Variants in CABIN1 observed in about 807,000 individuals in gnomAD.
CABIN1 encodes calcineurin-binding protein cabin-1.
CABIN1 carries 133 observed loss-of-function variants against 227.7 expected under a neutral mutation model. The ratio of observed to expected loss-of-function variants is 0.58; its 90% CI spans 0.51 to 0.67. The LOEUF (loss-of-function observed/expected upper bound fraction) is 0.67, where lower values mean the gene tolerates loss of function less well. Among genes scored for constraint, CABIN1 ranks in the 30% least tolerant of loss-of-function variants. CABIN1 has a pLI of 0.00. For missense variants in CABIN1, 2,408 were observed against 2,852.5 expected (o/e 0.84, Z 3.55); for synonymous variants, 1,086 against 1,155.1 (o/e 0.94, Z 1.21).
intron 34 of CABIN1, among the ~76,000 whole-genome samples, chr22:24,172,365 C>A (rs563472292): frequency 6.6e-6 from 1 of 152,228 alleles, no homozygotes; most frequent in Non-Finnish European, 1.5e-5. Flanking sequence ...CTAGCCCACA[C>A]CAGGCCTCCC....
rs1486940104 is a variant in CABIN1 at position 24,177,392 on chromosome 22, A to G, written c.6206-112A>G. On this transcript the variant is annotated intron_variant, in intron 35 of 36. Transcript: ENST00000263119. This position sits in a 1 kb window ranked among gnomAD's most constrained non-coding sequence, Gnocchi z 4.4. Reference sequence around the variant, plus strand: ...AGCCTTGGAGCCTGCCAGCCAGCACAAACTACACAGCATAAAGGCCCAGGA... The same window carrying G: ...AGCCTTGGAGCCTGCCAGCCAGCACGAACTACACAGCATAAAGGCCCAGGA... 1 of 973,990 alleles carries G rather than the reference A, an allele frequency of 1.0e-6. No individual in the cohort carries two copies. The highest frequency in any genetic ancestry group is 1.5e-6 in the Non-Finnish European group (1 of 668,204). 60.3% of individuals were successfully genotyped at this position (973,990 alleles called of 1,614,324 possible).
chr22:24,173,952 G>A (rs1186959244), intron 34 of CABIN1, among the ~76,000 whole-genome samples: 2 of 151,792 alleles, frequency 1.3e-5, no homozygotes, highest in South Asian at 2.1e-4. Context: ...GCAGGATTTG[G>A]AATGCTGCTT....
intron 29 of CABIN1, among the ~76,000 whole-genome samples, chr22:24,141,849 G>A (rs546041227): frequency 1.3e-5 from 2 of 152,176 alleles, no homozygotes; most frequent in Non-Finnish European, 2.9e-5. Flanking sequence ...GTCATCATGA[G>A]CTGTCTTTGT....
chr22:24,108,388 G>T (rs976379743), intron 26 of CABIN1, among the ~76,000 whole-genome samples: 3 of 152,180 alleles, frequency 2.0e-5, no homozygotes, highest in Non-Finnish European at 2.9e-5. Context: ...CTCAAGTTTG[G>T]GACATTTTGT....
intron 15 of CABIN1, 99 bp downstream of exon 15, chr22:24,064,286 A>C: frequency 7.8e-7 from 1 of 1,277,524 alleles, no homozygotes; most frequent in Non-Finnish European, 1.1e-6. Flanking sequence ...GCTCACTGCA[A>C]CCTACACCTC....
chr22:24,025,624 C>T (rs532084724), intron 1 of CABIN1, among the ~76,000 whole-genome samples: 2 of 152,294 alleles, frequency 1.3e-5, no homozygotes, highest in East Asian at 1.9e-4. Flanking sequence ...GCTCATCAAA[C>T]GCTCTGCTGG....
intron 36 of CABIN1, 52 bp from the exon 37 acceptor site, chr22:24,178,001 G>A: frequency 1.2e-6 from 2 of 1,609,726 alleles, no homozygotes; most frequent in Non-Finnish European, 1.7e-6. Flanking sequence ...AGAGGGGCTT[G>A]GGGCAGAGCC....
rs758207779 is a variant in CABIN1 at position 24,083,212 on chromosome 22, C to T, written c.2749-16C>T. 1 of 1,611,926 alleles carries T rather than the reference C, an allele frequency of 6.2e-7. No individual in the cohort carries two copies. Among genetic ancestry groups the T allele is most frequent in the Non-Finnish European group, 8.5e-7 (1 of 1,179,906 alleles). On this transcript the variant is annotated splice_polypyrimidine_tract_variant and intron_variant, in intron 19 of 36. Transcript: ENST00000263119. ...TACAGGCCCTCACCTCAGGCCATCT[C>T]TTCTGCCCACCACAGGTGCGAGTAC...
intron 19 of CABIN1, among the ~76,000 whole-genome samples, chr22:24,082,813 C>T (rs553008140): frequency 6.6e-6 from 1 of 152,276 alleles, no homozygotes; most frequent in South Asian, 2.1e-4. Flanking sequence ...TTATTCTCTC[C>T]ACTGGAATCT....
intron 20 of CABIN1, 148 bp downstream of exon 20, chr22:24,083,537 A>G (rs1179339614): frequency 1.2e-6 from 1 of 842,810 alleles, no homozygotes; most frequent in African/African-American, 1.7e-5. Context: ...GAGTGTATCA[A>G]AGGACAAGGG....
At chr22:24,075,392 A>G (rs964432333) in intron 18 of CABIN1, among the ~76,000 whole-genome samples, 3 of 152,186 alleles carry the variant, frequency 2.0e-5, no homozygotes, top group Non-Finnish European at 4.4e-5. Flanking sequence ...CAAATGTGTA[A>G]CTGGAATTCA....
intron 4 of CABIN1, among the ~76,000 whole-genome samples, chr22:24,040,879 T>C (rs1309998304): frequency 6.6e-6 from 1 of 152,248 alleles, no homozygotes; most frequent in Non-Finnish European, 1.5e-5. Flanking sequence ...GCAGTAGTGG[T>C]GGGGCAGTTT....
chr22:24,069,435 G>T (rs1429127701), intron 16 of CABIN1, among the ~76,000 whole-genome samples: 1 of 152,144 alleles, frequency 6.6e-6, no homozygotes, highest in East Asian at 1.9e-4. Flanking sequence ...TCATTCATTG[G>T]TGTTTATTCT....
chr22:24,168,692 G>A (rs1273025157), intron 33 of CABIN1, 171 bp downstream of exon 33: 1 of 711,782 alleles, frequency 1.4e-6, no homozygotes, highest in Non-Finnish European at 2.5e-6. Flanking sequence ...GGCCATAGTG[G>A]GCAGGAACTT....
At chr22:24,165,343 A>G (rs1353046074) in intron 30 of CABIN1, among the ~76,000 whole-genome samples, 187 bp from the exon 31 acceptor site, 1 of 152,206 alleles carries the variant, frequency 6.6e-6, no homozygotes, top group African/African-American at 2.4e-5. Flanking sequence ...TCAGAGGCCT[A>G]CTGGCTCTGG....
At chr22:24,055,284 G>A in intron 9 of CABIN1, 125 bp downstream of exon 9, 1 of 1,133,138 alleles carries the variant, frequency 8.8e-7, no homozygotes, top group Non-Finnish European at 1.2e-6. Context: ...TGACTCAAGT[G>A]GAAGTGGGAG....
rs1335451330 is a variant in CABIN1 at position 24,072,545 on chromosome 22, T to C, written c.2632+35T>C. ...CAGTGGGTGCAGTGGGGATGAGCTCTGACTCCCATGTCCTTGCCCCTGTCC... is the reference window on the plus strand; with the variant it reads ...CAGTGGGTGCAGTGGGGATGAGCTCCGACTCCCATGTCCTTGCCCCTGTCC... On this transcript the variant is annotated intron_variant, in intron 18 of 36. Transcript: ENST00000263119. The C allele has an allele frequency of 1.9e-6, 3 of 1,613,376 alleles. No individual in the cohort carries two copies. The Admixed American group carries it at 5.0e-5, about 27-fold the overall frequency.
chr22:24,064,543 A>ATTTTTTTTTTTT (rs2039457717), intron 15 of CABIN1, among the ~76,000 whole-genome samples: 1 of 97,552 alleles, frequency 1.0e-5, no homozygotes, highest in Non-Finnish European at 2.0e-5. Flanking sequence ...TTTATTGATC[A>ATTTTTTTTTTTT]TTCTTGGGTG....
chr22:24,041,116 C>T (rs1216294114), intron 4 of CABIN1, 23 bp from the exon 5 acceptor site: 1 of 1,614,104 alleles, frequency 6.2e-7, no homozygotes, highest in South Asian at 1.1e-5. Flanking sequence ...CTAGTTGTCA[C>T]TTCTGTTCTG....
Sources: gnomAD v4.1 joint callset for allele counts (sites outside exome capture counted in the v4.1 genomes callset) on GRCh38, gnomAD v4.1.1 for gene constraint, Gnocchi (gnomAD v3.1) non-coding constraint, MANE v1.5 for transcripts, NCBI Gene and HGNC (gene_info 2026-07-23, HGNC 2026-07-21) for gene names.